The following USP32 variants were observed in gnomAD, a reference collection of about 807,000 sequenced individuals.
The protein encoded by USP32 is ubiquitin carboxyl-terminal hydrolase 32.
In USP32, 59 loss-of-function variants were observed where a neutral mutation model predicts 204.8. The ratio of observed to expected loss-of-function variants is 0.29; its 90% CI spans 0.23 to 0.36. The LOEUF is 0.36. Among genes scored for constraint, USP32 ranks in the 10% least tolerant of loss-of-function variants. The pLI, the probability that USP32 is intolerant of heterozygous loss-of-function variation, is 1.00. For synonymous variants in USP32, 517 were observed against 678.4 expected (o/e 0.76, Z 3.70); for missense variants, 1,160 against 1,946.4 (o/e 0.60, Z 7.60).
chr17:60,282,002 C>T (rs2086978732), intron 5 of USP32, among the ~76,000 whole-genome samples: 1 of 152,102 alleles, frequency 6.6e-6, no homozygotes, highest in Admixed American at 6.5e-5. Context: ...GGTTATTTCT[C>T]TTACAAGAAA....
chr17:60,348,502 C>T (rs1479511072), intron 1 of USP32, among the ~76,000 whole-genome samples: 1 of 152,116 alleles, frequency 6.6e-6, no homozygotes, highest in African/African-American at 2.4e-5. Context: ...AGGCCAGGTG[C>T]AGTGGCTCAT....
chr17:60,222,353 C>G, intron 15 of USP32, 56 bp downstream of exon 15: 1 of 1,564,128 alleles, frequency 6.4e-7, no homozygotes. Context: ...GAAAAAGTAA[C>G]AGAAGACCCC....
chr17:60,348,603 TG>T (rs575389884), intron 1 of USP32, among the ~76,000 whole-genome samples: 78 of 152,148 alleles, frequency 5.1e-4, no homozygotes, highest in Non-Finnish European at 9.9e-4. Context: ...AGTGAGACCC[TG>T]TCTCTACAAA....
chr17:60,419,587 G>A (rs1296716593), intron 1 of USP32, among the ~76,000 whole-genome samples: 1 of 151,770 alleles, frequency 6.6e-6, no homozygotes, highest in Non-Finnish European at 1.5e-5. Flanking sequence ...AAAAAAATTA[G>A]CCGGGCGTGG....
chr17:60,411,057 G>A (rs1015708060), intron 1 of USP32, among the ~76,000 whole-genome samples: 20 of 151,880 alleles, frequency 1.3e-4, no homozygotes, highest in African/African-American at 3.6e-4. Flanking sequence ...GGCCAGGCAC[G>A]GTGGCTCACA....
chr17:60,325,905 G>A (rs1349372790), intron 2 of USP32, among the ~76,000 whole-genome samples: 1 of 151,150 alleles, frequency 6.6e-6, no homozygotes, highest in African/African-American at 2.4e-5. Context: ...CTCCAGCCTA[G>A]GTGATTGCAG....
intron 1 of USP32, among the ~76,000 whole-genome samples, chr17:60,417,631 T>C (rs965833697): frequency 4.0e-5 from 6 of 150,544 alleles, no homozygotes; most frequent in African/African-American, 1.2e-4. Flanking sequence ...TTTTTGTATT[T>C]TTAGTAAAGA....
At chr17:60,353,356 T>C (rs1477009219) in intron 1 of USP32, among the ~76,000 whole-genome samples, 1 of 152,186 alleles carries the variant, frequency 6.6e-6, no homozygotes, top group African/African-American at 2.4e-5. Context: ...TGTCGTTTAA[T>C]CATCCAGTCT....
At chr17:60,413,863 AAAAAAAAAAAAAG>A (rs1001905787) in intron 1 of USP32, among the ~76,000 whole-genome samples, 2 of 144,084 alleles carry the variant, frequency 1.4e-5, no homozygotes, top group African/African-American at 5.3e-5. Flanking sequence ...TTCTGTCTCA[AAAAAAAAAAAAAG>A]AAAAAAAAAA....
At chr17:60,259,506 G>A (rs1390130111) in intron 9 of USP32, among the ~76,000 whole-genome samples, 1 of 152,142 alleles carries the variant, frequency 6.6e-6, no homozygotes, top group Non-Finnish European at 1.5e-5. Flanking sequence ...CTTGTACCCT[G>A]AGCTGCAGGG....
chr17:60,255,565 C>T (rs1422072809), intron 9 of USP32, among the ~76,000 whole-genome samples: 1 of 152,044 alleles, frequency 6.6e-6, no homozygotes, highest in Non-Finnish European at 1.5e-5. Context: ...CCCAAAGTGC[C>T]GGGATTACAG....
At position 60,209,450 on chromosome 17, in the gene USP32, C is replaced by T; in HGVS notation, c.2518G>A (p.Asp840Asn). ...LAFLLDGLHE[D>N]LNRVHEKPYV... ...GGCTTTTCATGGACTCGATTAAGAT[C>T]TTCATGAAGACCATCCAAGAGAAAA... Residue 840 changes from aspartate (D) to asparagine (N), a missense_variant, in exon 22 of 34, where the codon GAT becomes AAT. Around this residue, in one of 8 missense-constraint regions of USP32, gnomAD observed 132 missense variants for 432.8 expected, o/e 0.30. Coordinates refer to ENST00000300896, the MANE Select transcript of USP32 (RefSeq NM_032582.4). The T allele has an allele frequency of 1.3e-6, 2 of 1,594,806 alleles. No individual in the cohort carries two copies. The highest frequency in any genetic ancestry group is 1.7e-6 in the Non-Finnish European group (2 of 1,173,208).
intron 11 of USP32, among the ~76,000 whole-genome samples, chr17:60,243,105 T>C (rs2085922842): frequency 6.6e-6 from 1 of 152,238 alleles, no homozygotes; most frequent in African/African-American, 2.4e-5. Context: ...GTTTGATTTC[T>C]TTTGACAATA....
intron 1 of USP32, among the ~76,000 whole-genome samples, chr17:60,350,674 G>T (rs950792980): frequency 6.6e-6 from 1 of 151,824 alleles, no homozygotes; most frequent in Non-Finnish European, 1.5e-5. Flanking sequence ...AAGGACAAAG[G>T]GACTTTTCTT....
At chr17:60,216,384 C>T (rs570558277) in intron 16 of USP32, among the ~76,000 whole-genome samples, 4 of 151,580 alleles carry the variant, frequency 2.6e-5, no homozygotes, top group South Asian at 2.1e-4. Flanking sequence ...TCTGCTGAGG[C>T]TGTATTTTAT....
chr17:60,330,598 G>C (rs1359572417), intron 2 of USP32, among the ~76,000 whole-genome samples: 1 of 150,394 alleles, frequency 6.6e-6, no homozygotes, highest in Non-Finnish European at 1.5e-5. Flanking sequence ...CCAGGTCGGA[G>C]TGCAGTGGTG....
intron 14 of USP32, among the ~76,000 whole-genome samples, 198 bp from the exon 15 acceptor site, chr17:60,222,747 T>C (rs1044813814): frequency 6.7e-6 from 1 of 150,214 alleles, no homozygotes; most frequent in African/African-American, 2.5e-5. Flanking sequence ...AGTGGCGCGA[T>C]CTTCGCTTGC....
chr17:60,391,406 C>A (rs1049985129), intron 1 of USP32, among the ~76,000 whole-genome samples: 2 of 152,214 alleles, frequency 1.3e-5, no homozygotes, highest in Admixed American at 6.5e-5. Context: ...TCCCCAGATA[C>A]GAAGGGGCTT....
intron 11 of USP32, chr17:60,249,727 G>A (rs1016429807): frequency 3.9e-5 from 27 of 700,476 alleles, no homozygotes; most frequent in Admixed American, 3.8e-4. Flanking sequence ...TCAATTTCTT[G>A]TATATATTTG....
Sources: allele counts gnomAD v4.1 joint callset (sites outside exome capture counted in the v4.1 genomes callset), GRCh38; gene constraint gnomAD v4.1.1; regional missense constraint gnomAD v4.1.1; transcripts MANE v1.5; gene names NCBI Gene and HGNC (gene_info 2026-07-23, HGNC 2026-07-21).